FREM1: variants seen among roughly 807,000 people sequenced by gnomAD.
FREM1 encodes the protein FRAS1-related extracellular matrix protein 1.
A neutral mutation model predicts 210.1 loss-of-function variants in FREM1; 220 were observed. The ratio of observed to expected loss-of-function variants is 1.05; its 90% confidence interval spans 0.94 to 1.17. The LOEUF (loss-of-function observed/expected upper bound fraction) is 1.17, where lower values mean the gene tolerates loss of function less well. FREM1 is among the 50% of genes most tolerant of loss of function. The pLI is 0.00. For synonymous variants in FREM1, 1,189 were observed against 980.2 expected (o/e 1.21, Z -3.98); for missense variants, 3,454 against 2,675.5 (o/e 1.29, Z -6.42).
At chr9:14,848,125 G>A (rs1195901491) in intron 7 of FREM1, among the ~76,000 whole-genome samples, 1 of 152,140 alleles carries the variant, frequency 6.6e-6, no homozygotes, top group Non-Finnish European at 1.5e-5. Flanking sequence ...TCAGTGAGAA[G>A]GAAAAGATCT....
rs372941168 is a variant in FREM1, at chr9:14,770,669, G to A, written c.4995C>T (p.Asp1665=). The part of the protein sequence containing the change: ...VLKASDPDTE[D]DQIIFKILQG... ...GTAGAATTTTAAAGATGATCTGATC[G>A]TCCTCAGTGTCAGGGTCTGATGCCT... Residue 1665 remains aspartate (D), a synonymous_variant, in exon 26 of 37, where the codon GAC becomes GAT. Transcript: ENST00000380880. 166 of 1,613,318 alleles carry A rather than the reference G, an allele frequency of 1.0e-4. 1 individual carries two copies. In the African/African-American group the frequency reaches 1.6e-3, roughly 15 times the overall value.
At chr9:14,820,208 A>G (rs1821036264) in intron 13 of FREM1, among the ~76,000 whole-genome samples, 1 of 152,226 alleles carries the variant, frequency 6.6e-6, no homozygotes, top group Non-Finnish European at 1.5e-5. Flanking sequence ...GGAGGTTTAT[A>G]AGGGACATAA....
At chr9:14,881,989 C>A (rs1487427040) in intron 1 of FREM1, among the ~76,000 whole-genome samples, 1 of 152,134 alleles carries the variant, frequency 6.6e-6, no homozygotes, top group Non-Finnish European at 1.5e-5. Context: ...GAGCTGTGAG[C>A]TAGAAGGACC....
In FREM1 at chr9:14,788,985, G is replaced by A. The variant is rs1355010092; in HGVS notation, c.4111C>T (p.Leu1371Phe). The change falls in exon 23 of 37, where the codon CTT becomes TTT. Residue 1371 changes from leucine to phenylalanine, a missense_variant. Coordinates refer to ENST00000380880, the MANE Select transcript of FREM1 (RefSeq NM_001379081.2). Reference sequence around the variant, plus strand: ...GGGGACCTGTTGTTGCCATCCCAAAGGTAGAAGGTGAAGCTATCTTGATTC... The same window carrying A: ...GGGGACCTGTTGTTGCCATCCCAAAAGTAGAAGGTGAAGCTATCTTGATTC... ...SQNQDSFTFY[L>F]WDGNNRSPAL... The A allele has an allele frequency of 2.5e-6, 4 of 1,613,066 alleles. No homozygotes were observed. The Admixed American group carries it at 6.7e-5, about 27-fold the overall frequency.
intron 5 of FREM1, among the ~76,000 whole-genome samples, chr9:14,855,425 T>C (rs909119445): frequency 6.6e-6 from 1 of 152,124 alleles, no homozygotes; most frequent in African/African-American, 2.4e-5. Context: ...AGAAGACCTT[T>C]AAAAATCTAG....
At chr9:14,799,784 G>A (rs1853168877) in intron 20 of FREM1, among the ~76,000 whole-genome samples, 2 of 151,868 alleles carry the variant, frequency 1.3e-5, no homozygotes, top group South Asian at 2.1e-4. Context: ...ATATATAAAT[G>A]CATTTTTTTC....
intron 3 of FREM1, among the ~76,000 whole-genome samples, chr9:14,860,892 TAC>T (rs1564103204): frequency 1.5e-4 from 13 of 84,680 alleles, no homozygotes; most frequent in African/African-American, 8.8e-4. Context: ...TACACATATA[TAC>T]ATATATACAC....
chr9:14,865,003 T>C (rs1831249697), intron 2 of FREM1, among the ~76,000 whole-genome samples: 1 of 152,232 alleles, frequency 6.6e-6, no homozygotes, highest in African/African-American at 2.4e-5. Context: ...TAATATGTTT[T>C]CCTTTTATAA....
intron 1 of FREM1, among the ~76,000 whole-genome samples, chr9:14,890,310 T>A (rs773414853): frequency 2.6e-4 from 40 of 152,316 alleles, no homozygotes; most frequent in Admixed American, 1.4e-3. Context: ...TAGCTCAAAC[T>A]CTACCCTGCC....
intron 10 of FREM1, among the ~76,000 whole-genome samples, chr9:14,828,495 C>T (rs1822897365): frequency 1.3e-5 from 2 of 152,022 alleles, no homozygotes; most frequent in Admixed American, 1.3e-4. Flanking sequence ...AAGTCTCACC[C>T]ATACCTGATT....
chr9:14,875,255 C>A (rs1034018932), intron 1 of FREM1, among the ~76,000 whole-genome samples: 14 of 152,180 alleles, frequency 9.2e-5, no homozygotes, highest in South Asian at 6.2e-4. Flanking sequence ...TAATATCTTG[C>A]AGAGTGTTTT....
At chr9:14,746,323 A>C (rs1342123264) in intron 35 of FREM1, 30 bp downstream of exon 35, 2 of 1,450,360 alleles carry the variant, frequency 1.4e-6, no homozygotes, top group African/African-American at 2.8e-5. Flanking sequence ...AAAAGAAAAC[A>C]CCAATCAAAT....
intron 25 of FREM1, among the ~76,000 whole-genome samples, chr9:14,774,513 C>CAA (rs1848202243): frequency 4.6e-4 from 1 of 2,170 alleles, no homozygotes; most frequent in Non-Finnish European, 1.2e-3. Flanking sequence ...TAAAATAAAT[C>CAA]TCTCTCTCTC....
chr9:14,747,798 C>G, intron 31 of FREM1, 70 bp from the exon 32 acceptor site: 1 of 854,266 alleles, frequency 1.2e-6, no homozygotes, highest in South Asian at 1.8e-5. Flanking sequence ...GGTAAAACCA[C>G]CAAGTAAGAT....
At chr9:14,860,393 C>T (rs997184757) in intron 3 of FREM1, among the ~76,000 whole-genome samples, 8 of 151,820 alleles carry the variant, frequency 5.3e-5, no homozygotes, top group Non-Finnish European at 7.4e-5. Context: ...GCTCCTCTAA[C>T]CCTGCATTTC....
intron 1 of FREM1, among the ~76,000 whole-genome samples, chr9:14,902,615 C>T (rs77283901): frequency 0.1 from 15,295 of 152,194 alleles, 1,038 homozygotes; most frequent in Middle Eastern, 0.17. Context: ...ACACCCAGTG[C>T]ACTGCCACCT....
chr9:14,855,722 C>T (rs184209429), intron 5 of FREM1, among the ~76,000 whole-genome samples: 129 of 151,012 alleles, frequency 8.5e-4, no homozygotes, highest in Admixed American at 1.3e-3. Context: ...TATGACATGC[C>T]AAATAAGCTA....
intron 36 of FREM1, among the ~76,000 whole-genome samples, chr9:14,739,748 C>T (rs943298631): frequency 2.6e-5 from 4 of 151,422 alleles, no homozygotes; most frequent in East Asian, 1.9e-4. Flanking sequence ...AATTAATAAA[C>T]GTAAGGCAAT....
intron 1 of FREM1, among the ~76,000 whole-genome samples, chr9:14,873,566 C>T (rs1188500235): frequency 3.3e-5 from 5 of 151,428 alleles, no homozygotes; most frequent in African/African-American, 9.7e-5. Context: ...CTCTTTTCTT[C>T]ATTAGTCTTG....
Sources: gnomAD v4.1 joint callset for allele counts (sites outside exome capture counted in the v4.1 genomes callset) on GRCh38, gnomAD v4.1.1 for gene constraint, MANE v1.5 for transcripts, NCBI Gene and HGNC (gene_info 2026-07-23, HGNC 2026-07-21) for gene names.